ANKS1B: variants seen among roughly 807,000 people sequenced by gnomAD.
ANKS1B encodes the protein ankyrin repeat and sterile alpha motif domain containing 1B.
Under a neutral mutation model 148.3 loss-of-function variants are expected in ANKS1B, and 36 were observed. The observed-to-expected ratio is 0.24, with a 90% CI of 0.19 to 0.32. The LOEUF (loss-of-function observed/expected upper bound fraction) is 0.32, where lower values mean the gene tolerates loss of function less well. Ranked by LOEUF, ANKS1B falls within the 10% of genes least tolerant of loss-of-function variation. The pLI is 1.00. For synonymous variants in ANKS1B, 542 were observed against 560.8 expected, an observed-to-expected ratio of 0.97 and a Z score of 0.47; for missense variants, 1,157 against 1,542.6, an observed-to-expected ratio of 0.75 and a Z score of 4.19.
At chr12:99,147,623 C>T (rs183884566) in intron 15 of ANKS1B, among the ~76,000 whole-genome samples, 7 of 152,214 alleles carry the variant, frequency 4.6e-5, no homozygotes, top group East Asian at 1.9e-4. Context: ...CTGTGCTAAA[C>T]GCTCTTTGCA....
At chr12:99,067,539 G>T (rs1338949763) in intron 16 of ANKS1B, among the ~76,000 whole-genome samples, 1 of 152,172 alleles carries the variant, frequency 6.6e-6, no homozygotes, top group East Asian at 1.9e-4. Context: ...ACCACAATAG[G>T]CTAGAGCAAG....
At chr12:98,750,300 G>A (rs114288508) in intron 26 of ANKS1B, among the ~76,000 whole-genome samples, 230 of 152,228 alleles carry the variant, frequency 1.5e-3, no homozygotes, top group African/African-American at 5.3e-3. Context: ...ACACAGGAGC[G>A]AATGGCCGGG....
At chr12:99,547,247 TC>T (rs1186273268) in intron 9 of ANKS1B, among the ~76,000 whole-genome samples, 2 of 152,168 alleles carry the variant, frequency 1.3e-5, no homozygotes, top group Non-Finnish European at 2.9e-5. Flanking sequence ...AATGCCTACA[TC>T]AAAGGACTCT....
chr12:99,789,170 CAG>C (rs1319685513), intron 4 of ANKS1B, among the ~76,000 whole-genome samples: 1 of 152,186 alleles, frequency 6.6e-6, no homozygotes, highest in Non-Finnish European at 1.5e-5. Context: ...CACAGAAAGA[CAG>C]ACTCTGTTTC....
chr12:99,097,676 A>G (rs2056652331), intron 15 of ANKS1B, among the ~76,000 whole-genome samples: 1 of 152,234 alleles, frequency 6.6e-6, no homozygotes, highest in South Asian at 2.1e-4. Flanking sequence ...GTGTTTGTCT[A>G]ACAGAAGCAA....
intron 9 of ANKS1B, among the ~76,000 whole-genome samples, chr12:99,542,808 C>A (rs2097138800): frequency 1.3e-5 from 2 of 151,976 alleles, no homozygotes; most frequent in African/African-American, 4.8e-5. Flanking sequence ...AAGTTGAATA[C>A]CTACCTCATA....
intron 19 of ANKS1B, among the ~76,000 whole-genome samples, chr12:98,821,009 T>C (rs953110936): frequency 2.0e-5 from 3 of 152,178 alleles, no homozygotes; most frequent in African/African-American, 7.2e-5. Flanking sequence ...CCCAAACGTA[T>C]AGTTTCATAG....
intron 1 of ANKS1B, among the ~76,000 whole-genome samples, chr12:99,903,751 G>C (rs73147426): frequency 9.2e-5 from 14 of 151,904 alleles, no homozygotes; most frequent in South Asian, 4.2e-4. Flanking sequence ...AAATGGGAGG[G>C]GGGGAGAGGG....
intron 15 of ANKS1B, among the ~76,000 whole-genome samples, chr12:99,119,456 G>T (rs1282047502): frequency 6.6e-6 from 1 of 152,170 alleles, no homozygotes; most frequent in Admixed American, 6.5e-5. Context: ...ATGGTAATTT[G>T]TTACAGCAGC....
intron 1 of ANKS1B, among the ~76,000 whole-genome samples, chr12:99,896,817 G>A (rs1345506996): frequency 2.0e-5 from 3 of 151,180 alleles, no homozygotes; most frequent in African/African-American, 4.8e-5. Context: ...CTGTGCCTAC[G>A]GAATAGAAGC....
At chr12:99,419,075 T>G (rs2095002650) in intron 11 of ANKS1B, among the ~76,000 whole-genome samples, 1 of 152,186 alleles carries the variant, frequency 6.6e-6, no homozygotes, top group African/African-American at 2.4e-5. Flanking sequence ...ATGAGGAATA[T>G]TGCTCTGGGG....
chr12:98,951,826 T>G (rs1047379796), intron 17 of ANKS1B, among the ~76,000 whole-genome samples: 2 of 152,218 alleles, frequency 1.3e-5, no homozygotes, highest in African/African-American at 4.8e-5. Flanking sequence ...CTTATGGCAT[T>G]TGTTACATAT....
intron 25 of ANKS1B, among the ~76,000 whole-genome samples, chr12:98,759,713 A>T (rs1463256813): frequency 6.6e-6 from 1 of 152,238 alleles, no homozygotes; most frequent in East Asian, 1.9e-4. Context: ...CTGATTAAGT[A>T]GAATACTAGG....
At chr12:99,594,177 T>A (rs1204099163) in intron 9 of ANKS1B, among the ~76,000 whole-genome samples, 1 of 152,112 alleles carries the variant, frequency 6.6e-6, no homozygotes, top group Non-Finnish European at 1.5e-5. Context: ...TGTCAAGTGC[T>A]GGAGTTAGCT....
intron 9 of ANKS1B, among the ~76,000 whole-genome samples, chr12:99,564,816 C>A (rs1031878356): frequency 6.6e-6 from 1 of 152,060 alleles, no homozygotes; most frequent in Non-Finnish European, 1.5e-5. Flanking sequence ...TAATTACATT[C>A]ATTACCACTG....
At chr12:98,769,191 T>TTTTTTTTC (rs2098534658) in intron 25 of ANKS1B, among the ~76,000 whole-genome samples, 1 of 133,038 alleles carries the variant, frequency 7.5e-6, no homozygotes, top group Non-Finnish European at 1.7e-5. Context: ...TTTTTTTTTT[T>TTTTTTTTC]TTTGCCATTT....
chr12:99,662,116 T>C (rs1416406416), intron 8 of ANKS1B, among the ~76,000 whole-genome samples: 3 of 152,162 alleles, frequency 2.0e-5, no homozygotes, highest in Non-Finnish European at 4.4e-5. Flanking sequence ...TTTAAGCCAT[T>C]ATTATTATTT....
At chr12:99,103,675 T>C (rs138437421) in intron 15 of ANKS1B, among the ~76,000 whole-genome samples, 12 of 152,328 alleles carry the variant, frequency 7.9e-5, no homozygotes, top group Admixed American at 2.0e-4. Context: ...TTTTGACTCA[T>C]TTTTATATCA....
At chr12:99,030,317 G>A (rs77112472) in intron 17 of ANKS1B, among the ~76,000 whole-genome samples, 3,006 of 152,210 alleles carry the variant, frequency 0.02, 40 homozygotes, top group Non-Finnish European at 0.032. Context: ...TGGTGGGGGC[G>A]ACTGGTGCTT....
Sources: allele counts gnomAD v4.1 joint callset (sites outside exome capture counted in the v4.1 genomes callset), GRCh38; gene constraint gnomAD v4.1.1; transcripts MANE v1.5; gene names NCBI Gene and HGNC (gene_info 2026-07-23, HGNC 2026-07-21).